The following SREBF2 variants were observed in gnomAD, a reference collection of about 807,000 sequenced individuals.
SREBF2 encodes the protein sterol regulatory element-binding protein 2.
In SREBF2, 55 loss-of-function variants were observed where a neutral mutation model predicts 113.1. The observed-to-expected ratio is 0.49, with a 90% CI of 0.39 to 0.61. The LOEUF (loss-of-function observed/expected upper bound fraction) is 0.61, where lower values mean the gene tolerates loss of function less well. SREBF2 is among the 20% of genes least tolerant of loss of function. SREBF2 has a pLI of 0.00. For missense variants in SREBF2, 1,349 were observed against 1,487.4 expected, an observed-to-expected ratio of 0.91 and a Z score of 1.53; for synonymous variants, 593 against 605.7, an observed-to-expected ratio of 0.98 and a Z score of 0.31.
intron 1 of SREBF2, among the ~76,000 whole-genome samples, chr22:41,864,178 C>CCAAAAAATCTTTGTGTT (rs2077049374): frequency 7.5e-6 from 1 of 132,596 alleles, no homozygotes; most frequent in Non-Finnish European, 1.6e-5. Context: ...CACCCCTGGC[C>CCAAAAAATCTTTGTGTT]TATTTACATT....
At chr22:41,855,759 T>C (rs2148360234) in intron 1 of SREBF2, among the ~76,000 whole-genome samples, 1 of 151,496 alleles carries the variant, frequency 6.6e-6, no homozygotes, top group African/African-American at 2.4e-5. Flanking sequence ...GTATAACTTT[T>C]TTTTTTTTTT....
chr22:41,894,585 C>T (rs532270857), intron 12 of SREBF2, among the ~76,000 whole-genome samples: 1 of 152,276 alleles, frequency 6.6e-6, no homozygotes, highest in African/African-American at 2.4e-5. Context: ...GCACCCTCCC[C>T]CACACCCCCT....
chr22:41,894,928 A>T lies in SREBF2; in HGVS notation c.2486A>T (p.Glu829Val), dbSNP rs760181362. ...QAKKKAGDQEEESCEFSSALE... is the reference protein window; with the variant it reads ...QAKKKAGDQEVESCEFSSALE... Reference sequence around the variant, plus strand: ...AAGAAGAAGGCTGGAGACCAGGAAGAAGAGAGCTGGTAAAGTCCCCAGACC... The same window carrying T: ...AAGAAGAAGGCTGGAGACCAGGAAGTAGAGAGCTGGTAAAGTCCCCAGACC... Residue 829 changes from glutamate (E) to valine (V), a missense_variant, in exon 13 of 19, where the codon GAA (glutamate) becomes GTA (valine). This residue lies in a region of SREBF2 where 650 missense variants were observed against 644.1 expected (regional missense o/e 1.01). Transcript: ENST00000361204. 12 of 1,613,676 alleles carry T rather than the reference A, an allele frequency of 7.4e-6. No homozygotes were observed. The highest frequency in any genetic ancestry group is 6.7e-5 in the Admixed American group (4 of 60,000).
chr22:41,888,843 T>G (rs1267320975), intron 11 of SREBF2, among the ~76,000 whole-genome samples: 1 of 152,250 alleles, frequency 6.6e-6, no homozygotes, highest in African/African-American at 2.4e-5. Context: ...ACTGTCATCT[T>G]TAAAGTAACT....
intron 1 of SREBF2, among the ~76,000 whole-genome samples, chr22:41,850,892 C>T (rs906260044): frequency 6.6e-6 from 1 of 152,150 alleles, no homozygotes; most frequent in African/African-American, 2.4e-5. Flanking sequence ...AGGTGCCCAC[C>T]ACCACGCCCA....
At chr22:41,874,734 C>G (rs1291576254) in intron 5 of SREBF2, among the ~76,000 whole-genome samples, 2 of 152,028 alleles carry the variant, frequency 1.3e-5, no homozygotes, top group African/African-American at 4.8e-5. Context: ...GGTGAAACCC[C>G]GTCTCTACTA....
intron 7 of SREBF2, among the ~76,000 whole-genome samples, chr22:41,875,983 A>T (rs888184913): frequency 3.9e-5 from 6 of 152,224 alleles, no homozygotes; most frequent in Non-Finnish European, 5.9e-5. Flanking sequence ...ATCCAGAACG[A>T]GAATGCAGAG....
At chr22:41,904,056 T>C (rs2064586505) in intron 17 of SREBF2, among the ~76,000 whole-genome samples, 2 of 152,202 alleles carry the variant, frequency 1.3e-5, no homozygotes, top group Admixed American at 6.5e-5. Context: ...GGCCTTTTTT[T>C]CATAATAGAT....
intron 1 of SREBF2, among the ~76,000 whole-genome samples, chr22:41,848,030 C>A (rs12373989): frequency 6.6e-6 from 1 of 151,760 alleles, no homozygotes; most frequent in African/African-American, 2.4e-5. Flanking sequence ...ATTCTCCTGC[C>A]TCAGCTTCCC....
At position 41,833,862 on chromosome 22, in the gene SREBF2, G is replaced by T. The variant is rs940606723; in HGVS notation, c.88+504G>T. On this transcript the variant is annotated intron_variant, in intron 1 of 18. Transcript: ENST00000361204. The surrounding 1 kb of genome is among the most constrained non-coding windows in gnomAD (Gnocchi z 4.1). ...GGATTGACCGACGGCCAGGTCGCCG[G>T]GTGCTCCGCGAAACTTTGGGCAGCG... 6.5e-6 allele frequency: 1 copy of T among 153,532 alleles called. No homozygotes were observed. The highest frequency in any genetic ancestry group is 1.5e-5 in the Non-Finnish European group (1 of 68,664). The allele number at this position is 153,532 out of a possible 1,614,324, so 9.5% of individuals were successfully genotyped here.
rs192817923 is a variant in SREBF2 at position 41,880,274 on chromosome 22, G to A, written c.1762-442G>A. ...TTATGTCTAAAAGCTACTGCTGGCC[G>A]GGCATGGTGGCTCACGCCTGTAATC... On this transcript the variant is annotated intron_variant, in intron 9 of 18. Coordinates refer to ENST00000361204, the MANE Select transcript of SREBF2 (RefSeq NM_004599.4). Among the ~76,000 whole-genome samples, 309 of 152,160 alleles carry A rather than the reference G, an allele frequency of 2.0e-3. 1 individual carries two copies. The highest frequency in any genetic ancestry group is 6.8e-3 in the African/African-American group (284 of 41,490).
rs1253196413 is a variant in SREBF2 at position 41,905,950 on chromosome 22, C to T, written c.*290C>T. On this transcript the variant is annotated 3_prime_UTR_variant, in exon 19 of 19. Transcript: ENST00000361204. The stretch of plus-strand genomic sequence containing the variant: ...AGCTCCCAAGCTGCCAAGCCCCTGC[C>T]TCCAGCCTTCCTGAGTTTCTCTCTC... 4 of 627,676 alleles carry T rather than the reference C, an allele frequency of 6.4e-6. No homozygotes were observed. The highest frequency in any genetic ancestry group is 8.9e-6 in the Non-Finnish European group (3 of 337,416). The allele number at this position is 627,676 out of a possible 1,614,324, so 38.9% of individuals were successfully genotyped here.
intron 11 of SREBF2, among the ~76,000 whole-genome samples, chr22:41,888,984 GGGCT>G (rs1424810171): frequency 1.3e-5 from 2 of 152,206 alleles, no homozygotes; most frequent in East Asian, 3.8e-4. Flanking sequence ...GGCAAGTGGA[GGGCT>G]GGCCTCTGTG....
At position 41,886,695 on chromosome 22, in the gene SREBF2, A is replaced by G. The variant is rs1027469828; in HGVS notation, c.2208+1684A>G. ...TCTGTCACTGGAGTTTAATCTGTCTATTGTTCATCATTTCAGTAAACTTAT... is the reference window on the plus strand; with the variant it reads ...TCTGTCACTGGAGTTTAATCTGTCTGTTGTTCATCATTTCAGTAAACTTAT... On this transcript the variant is annotated intron_variant, in intron 11 of 18. Transcript: ENST00000361204. 1.4e-4 allele frequency among the ~76,000 whole-genome samples: 21 copies of G among 152,212 alleles called. 1 individual carries two copies. Among genetic ancestry groups the G allele is most frequent in the East Asian group, 1.4e-3 (7 of 5,178 alleles).
At chr22:41,881,754 C>G (rs1020494607) in intron 10 of SREBF2, among the ~76,000 whole-genome samples, 3 of 152,146 alleles carry the variant, frequency 2.0e-5, no homozygotes, top group African/African-American at 7.2e-5. Context: ...GTGATATGAT[C>G]AGGTTTGTGC....
At chr22:41,881,730 G>A (rs908076624) in intron 10 of SREBF2, among the ~76,000 whole-genome samples, 34 of 152,204 alleles carry the variant, frequency 2.2e-4, no homozygotes, top group African/African-American at 8.2e-4. Context: ...TCAGTGAAGA[G>A]CATTAGGAAA....
intron 17 of SREBF2, chr22:41,904,530 T>A (rs1233603583): frequency 1.8e-6 from 1 of 545,164 alleles, no homozygotes; most frequent in Non-Finnish European, 3.6e-6. Context: ...TTTGTCAAAC[T>A]GCAGGCAGCC....
chr22:41,901,539 T>C (rs1602351090), intron 16 of SREBF2, among the ~76,000 whole-genome samples: 1 of 152,150 alleles, frequency 6.6e-6, no homozygotes, highest in Admixed American at 6.5e-5. Context: ...CATGTATCTG[T>C]AATCCCAGCT....
chr22:41,875,813 C>A (rs1443109429), intron 7 of SREBF2, 89 bp downstream of exon 7: 1 of 1,458,604 alleles, frequency 6.9e-7, no homozygotes, highest in African/African-American at 1.4e-5. Flanking sequence ...GAGGCCAGGC[C>A]GCATGTTAAG....
Sources: allele counts gnomAD v4.1 joint callset (sites outside exome capture counted in the v4.1 genomes callset), GRCh38; gene constraint gnomAD v4.1.1; regional missense constraint gnomAD v4.1.1; non-coding constraint Gnocchi (gnomAD v3.1); transcripts MANE v1.5; gene names NCBI Gene and HGNC (gene_info 2026-07-23, HGNC 2026-07-21).